Variants in HBS1L observed in about 807,000 individuals in gnomAD.
HBS1L encodes the protein HBS1 like translational GTPase.
Under a neutral mutation model 88.9 loss-of-function variants are expected in HBS1L, and 55 were observed. The ratio of observed to expected loss-of-function variants is 0.62; its 90% confidence interval spans 0.50 to 0.77. HBS1L has a LOEUF of 0.77. HBS1L is among the 30% of genes least tolerant of loss of function. The pLI is 0.00. For synonymous variants in HBS1L, 267 were observed against 288.5 expected, an observed-to-expected ratio of 0.93 and a Z score of 0.76; for missense variants, 741 against 829.3, an observed-to-expected ratio of 0.89 and a Z score of 1.31.
In HBS1L at chr6:134,963,824, C is replaced by G. The variant is rs1042549856; in HGVS notation, c.*1455G>C. 3 of 152,232 alleles carry G rather than the reference C, an allele frequency of 2.0e-5. No individual in the cohort carries two copies. The highest frequency in any genetic ancestry group is 7.2e-5 in the African/African-American group (3 of 41,552). 9.4% of individuals were successfully genotyped at this position (152,232 alleles called of 1,614,324 possible). On this transcript the variant is annotated 3_prime_UTR_variant, in exon 18 of 18. Transcript: ENST00000367837. ...GTGAGCTGCTCGATCTAAATGGAAT[C>G]AAAGCTAGAGCTACCTCTAATTTTC...
intron 2 of HBS1L, among the ~76,000 whole-genome samples, chr6:135,044,119 A>G (rs1776836773): frequency 6.6e-6 from 1 of 152,170 alleles, no homozygotes; most frequent in East Asian, 1.9e-4. Flanking sequence ...TTACAATATT[A>G]TCCTTTAGTT....
chr6:134,971,653 CTA>C (rs1157130475), intron 15 of HBS1L, among the ~76,000 whole-genome samples: 1 of 152,106 alleles, frequency 6.6e-6, no homozygotes, highest in Non-Finnish European at 1.5e-5. Flanking sequence ...TGACTGCACA[CTA>C]TCTCAATATT....
chr6:134,997,417 A>G lies in HBS1L; in HGVS notation c.779T>C (p.Leu260Pro), dbSNP rs1391707232. The G allele has an allele frequency of 7.4e-6, 12 of 1,614,020 alleles. No individual in the cohort carries two copies. The East Asian group carries it at 2.5e-4, about 33-fold the overall frequency. ...ELEKRQGGKQ[L>P]LNLVVIGHVD... ...ATTACCAATGACCACTAAGTTGAGT[A>G]GCTGCTTCCCTCCTTGCCGCTTCTC... The change falls in exon 6 of 18, where the codon CTA (leucine) becomes CCA (proline). Residue 260 changes from leucine (L) to proline (P), a missense_variant. Transcript: ENST00000367837.
At position 134,963,168 on chromosome 6, in the gene HBS1L, CA is replaced by C. The variant is rs1230981537; in HGVS notation, c.*2110del. On this transcript the variant is annotated 3_prime_UTR_variant, in exon 18 of 18. Transcript: ENST00000367837. ...CCAATCCATTTCCCCTTCCTAACAG[CA>C]CCCTGAATTTCCAACCCTCACACAA... The C allele has an allele frequency of 1.3e-5, 2 of 152,170 alleles. No individual in the cohort carries two copies. Among genetic ancestry groups the C allele is most frequent in the Non-Finnish European group, 2.9e-5 (2 of 68,036 alleles). 9.4% of individuals were successfully genotyped at this position (152,170 alleles called of 1,614,324 possible).
intron 8 of HBS1L, among the ~76,000 whole-genome samples, chr6:134,991,528 T>C (rs1775138715): frequency 6.6e-6 from 1 of 152,214 alleles, no homozygotes; most frequent in African/African-American, 2.4e-5. Flanking sequence ...TTCCTAGAGT[T>C]GTTATAAAGA....
At chr6:135,033,264 C>G (rs1363274350) in intron 4 of HBS1L, among the ~76,000 whole-genome samples, 1 of 152,144 alleles carries the variant, frequency 6.6e-6, no homozygotes, top group Non-Finnish European at 1.5e-5. Flanking sequence ...ATAAAGTCAA[C>G]TAAAACACGT....
intron 2 of HBS1L, among the ~76,000 whole-genome samples, chr6:135,046,038 T>C (rs985633591): frequency 6.6e-6 from 1 of 152,164 alleles, no homozygotes; most frequent in South Asian, 2.1e-4. Context: ...TTAGAAACTG[T>C]CTTTCACAAT....
rs761766617 is a variant in HBS1L at position 134,987,695 on chromosome 6, G to A, written c.1180C>T (p.Arg394Cys). Residue 394 changes from arginine (R) to cysteine (C), a missense_variant, in exon 9 of 18, where the codon CGT (arginine) becomes TGT (cysteine). Arg to Cys is a radical substitution (Grantham distance 180). This residue lies in a region of HBS1L where 556 missense variants were observed against 598.4 expected (regional missense o/e 0.93). Coordinates refer to ENST00000367837, the MANE Select transcript of HBS1L (RefSeq NM_006620.4). ...GQTREHGLLV[R>C]SLGVTQLAVA... ...GCAAGCTGCGTCACTCCCAGAGAAC[G>A]GACCAAGAGTCCATGCTCTCGTGTT... is the stretch of plus-strand genomic sequence containing the variant. 3.7e-5 allele frequency: 60 copies of A among 1,607,180 alleles called. No homozygotes were observed. Among genetic ancestry groups the A allele is most frequent in the Non-Finnish European group, 4.3e-5 (51 of 1,176,828 alleles).
chr6:135,014,773 T>C (rs150875429), intron 4 of HBS1L, among the ~76,000 whole-genome samples: 1,592 of 146,642 alleles, frequency 0.011, 24 homozygotes, highest in African/African-American at 0.038. Context: ...TCCCATCACC[T>C]TGGGAGACTG....
chr6:134,999,712 T>C (rs1775395893), intron 5 of HBS1L, among the ~76,000 whole-genome samples: 1 of 152,070 alleles, frequency 6.6e-6, no homozygotes, highest in South Asian at 2.1e-4. Flanking sequence ...CCTCCCAAAG[T>C]GCTGATATTA....
At chr6:134,984,071 G>A (rs76265852) in intron 12 of HBS1L, among the ~76,000 whole-genome samples, 3,421 of 152,214 alleles carry the variant, frequency 0.022, 137 homozygotes, top group African/African-American at 0.078. Context: ...CAGCGTAGGC[G>A]GAAGCCAGGA....
intron 4 of HBS1L, chr6:135,036,446 C>A: frequency 5.9e-6 from 8 of 1,365,238 alleles, no homozygotes; most frequent in Non-Finnish European, 7.5e-6. Flanking sequence ...AACTGACCTA[C>A]GACAATTTTC....
chr6:135,002,699 G>T (rs111851432), intron 5 of HBS1L, 35 bp downstream of exon 5: 1 of 1,243,280 alleles, frequency 8.0e-7, no homozygotes, highest in Non-Finnish European at 1.2e-6. Context: ...ACTTGGGGGT[G>T]GGGGTGGGGA....
At chr6:134,979,800 TAAC>T (rs1204050825) in intron 13 of HBS1L, among the ~76,000 whole-genome samples, 6 of 152,148 alleles carry the variant, frequency 3.9e-5, no homozygotes, top group African/African-American at 1.4e-4. Context: ...GCAGGCCCCT[TAAC>T]TACTCCTGGC....
intron 4 of HBS1L, among the ~76,000 whole-genome samples, chr6:135,022,118 A>C (rs1263886732): frequency 6.6e-6 from 1 of 152,214 alleles, no homozygotes; most frequent in African/African-American, 2.4e-5. Context: ...TCTAATTTAA[A>C]AAAAGGAACA....
At chr6:134,974,650 C>CA (rs71006747) in intron 15 of HBS1L, among the ~76,000 whole-genome samples, 69,276 of 146,534 alleles carry the variant, frequency 0.47, 16,250 homozygotes, top group South Asian at 0.57. Flanking sequence ...CAATTAAAAG[C>CA]AAAAAAAAAA....
At chr6:135,012,370 G>A (rs1410734313) in intron 4 of HBS1L, among the ~76,000 whole-genome samples, 1 of 152,142 alleles carries the variant, frequency 6.6e-6, no homozygotes, top group East Asian at 1.9e-4. Context: ...ATTACTTCTA[G>A]GGAGTGACAG....
chr6:135,031,517 A>C (rs1776383933), intron 4 of HBS1L, among the ~76,000 whole-genome samples: 1 of 152,102 alleles, frequency 6.6e-6, no homozygotes. Context: ...AGAGAGATGA[A>C]CCAAGGATGA....
chr6:135,024,959 G>GT (rs1457122903), intron 4 of HBS1L, among the ~76,000 whole-genome samples: 3 of 152,056 alleles, frequency 2.0e-5, no homozygotes, highest in Admixed American at 6.6e-5. Context: ...ACCATTATAC[G>GT]TAAGCTCCTA....
Sources: gnomAD v4.1 joint callset for allele counts (sites outside exome capture counted in the v4.1 genomes callset) on GRCh38, gnomAD v4.1.1 for gene constraint, gnomAD v4.1.1 regional missense constraint, MANE v1.5 for transcripts, NCBI Gene and HGNC (gene_info 2026-07-23, HGNC 2026-07-21) for gene names.